The following SGCD variants were observed in gnomAD, a reference collection of about 807,000 sequenced individuals.
The protein encoded by SGCD is sarcoglycan delta.
In SGCD, 18 loss-of-function variants were observed where a neutral mutation model predicts 36.6. The ratio of observed to expected loss-of-function variants is 0.49; its 90% CI spans 0.34 to 0.73. The LOEUF (loss-of-function observed/expected upper bound fraction) is 0.73, where lower values mean the gene tolerates loss of function less well. Ranked by LOEUF, SGCD falls within the 30% of genes least tolerant of loss-of-function variation. SGCD has a pLI of 0.01. For missense variants in SGCD, 387 were observed against 346.7 expected (o/e 1.12, Z -0.92); for synonymous variants, 133 against 130.6 (o/e 1.02, Z -0.12).
At chr5:156,722,895 G>A (rs1176942607) in intron 7 of SGCD, among the ~76,000 whole-genome samples, 1 of 152,204 alleles carries the variant, frequency 6.6e-6, no homozygotes, top group Non-Finnish European at 1.5e-5. Flanking sequence ...TGGGGACCCA[G>A]CCACCATCTT....
intron 7 of SGCD, among the ~76,000 whole-genome samples, chr5:156,752,403 T>TC (rs553855421): frequency 2.9e-4 from 44 of 152,120 alleles, no homozygotes; most frequent in South Asian, 4.2e-4. Context: ...TTTCTTTTTT[T>TC]CCCCCCCAAG....
At chr5:155,765,258 C>T in the SGCD span, among the ~76,000 whole-genome samples, 1 of 146,544 alleles carries the variant, frequency 6.8e-6, no homozygotes, top group African/African-American at 2.5e-5. Flanking sequence ...GCAGTCTGGG[C>T]AATAGGGCAA....
At chr5:156,175,900 A>G (rs1763455180) in intron 3 of SGCD, among the ~76,000 whole-genome samples, 1 of 152,114 alleles carries the variant, frequency 6.6e-6, no homozygotes, top group South Asian at 2.1e-4. Flanking sequence ...CCTCAGGTGG[A>G]CACATTCTTA....
Position 155,979,049 on chromosome 5 carries a change from G to A in SGCD, c.-282+108625G>A, listed in dbSNP as rs368696547. ...GGACTTGTATTTTCTTAGTCATGCAGCACTTCACAGCTGGGCAGAAAATGC... is the reference window on the plus strand; with the variant it reads ...GGACTTGTATTTTCTTAGTCATGCAACACTTCACAGCTGGGCAGAAAATGC... On this transcript the variant is annotated intron_variant, in intron 1 of 9. Transcript: ENST00000517913. 5.9e-5 allele frequency among the ~76,000 whole-genome samples: 9 copies of A among 152,292 alleles called. No individual in the cohort carries two copies. In the South Asian group the frequency reaches 1.9e-3, roughly 32 times the overall value.
chr5:156,440,037 G>T (rs1753415644), intron 3 of SGCD, among the ~76,000 whole-genome samples: 1 of 152,050 alleles, frequency 6.6e-6, no homozygotes, highest in African/African-American at 2.4e-5. Context: ...GTGGCATTTG[G>T]TATATTCAAA....
intron 7 of SGCD, among the ~76,000 whole-genome samples, chr5:156,692,417 C>A (rs921020387): frequency 6.6e-6 from 1 of 152,166 alleles, no homozygotes. Flanking sequence ...TGGGGAGAAA[C>A]AAATTAGATT....
chr5:155,783,428 C>T, the SGCD span, among the ~76,000 whole-genome samples: 1 of 152,106 alleles, frequency 6.6e-6, no homozygotes, highest in Non-Finnish European at 1.5e-5. Context: ...AAATTCTGGG[C>T]TTCTGTGACC....
intron 7 of SGCD, among the ~76,000 whole-genome samples, chr5:156,720,670 GGGT>G (rs1462745362): frequency 6.6e-6 from 1 of 152,048 alleles, no homozygotes; most frequent in African/African-American, 2.4e-5. Context: ...AAGAATCAAT[GGGT>G]GCCCAGCAGA....
intron 3 of SGCD, among the ~76,000 whole-genome samples, chr5:156,311,526 G>A (rs1362696925): frequency 6.6e-6 from 1 of 152,058 alleles, no homozygotes; most frequent in African/African-American, 2.4e-5. Flanking sequence ...ATAGAATACA[G>A]TATCTTAGAA....
At chr5:156,490,466 A>T (rs1191309734) in intron 3 of SGCD, among the ~76,000 whole-genome samples, 1 of 139,806 alleles carries the variant, frequency 7.2e-6, no homozygotes, top group South Asian at 2.4e-4. Flanking sequence ...ACAAAATACT[A>T]GTAAACCGAA....
At position 156,431,278 on chromosome 5, in the gene SGCD, A is replaced by AG. The variant is rs200789646; in HGVS notation, c.193-77321dup. Among the ~76,000 whole-genome samples, 604 of 152,302 alleles carry AG rather than the reference A, an allele frequency of 4.0e-3. 6 individuals carry two copies. Among genetic ancestry groups the AG allele is most frequent in the African/African-American group, 0.014 (573 of 41,562 alleles). ...GGGGTTGTGACTCTGCTTCTCATGC[A>AG]GGTCTGACTCAGATGTCTTTTTTCT... On this transcript the variant is annotated intron_variant, in intron 3 of 8. Coordinates refer to ENST00000337851, the MANE Select transcript of SGCD (RefSeq NM_000337.6).
At chr5:156,160,010 G>T (rs2127618032) in intron 3 of SGCD, among the ~76,000 whole-genome samples, 1 of 151,576 alleles carries the variant, frequency 6.6e-6, no homozygotes, top group Non-Finnish European at 1.5e-5. Flanking sequence ...CTTAAACAAA[G>T]AAATGTGTTC....
rs80312967 is a variant in SGCD at position 156,032,301 on chromosome 5, T to C, written c.-281-85577T>C. 4.0e-3 allele frequency among the ~76,000 whole-genome samples: 616 copies of C among 152,320 alleles called. 5 individuals are homozygous for C. The highest frequency in any genetic ancestry group is 0.014 in the African/African-American group (584 of 41,566). On this transcript the variant is annotated intron_variant, in intron 1 of 9. Transcript: ENST00000517913. The stretch of plus-strand genomic sequence containing the variant: ...AGGCATCTAGAAATATGCCCTGACA[T>C]TGAGACTCACCCTGTCTATGGGTTG...
At chr5:156,725,259 G>A (rs1755714899) in intron 7 of SGCD, among the ~76,000 whole-genome samples, 1 of 152,212 alleles carries the variant, frequency 6.6e-6, no homozygotes, top group Non-Finnish European at 1.5e-5. Flanking sequence ...GGAGAACCAT[G>A]CTTGATCAAG....
At chr5:155,915,012 A>C (rs1756707362) in intron 1 of SGCD, among the ~76,000 whole-genome samples, 2 of 152,196 alleles carry the variant, frequency 1.3e-5, no homozygotes, top group African/African-American at 4.8e-5. Context: ...GAGGGTGATA[A>C]AATAATATTG....
intron 6 of SGCD, among the ~76,000 whole-genome samples, chr5:156,606,421 C>T (rs1199511702): frequency 6.6e-6 from 1 of 152,148 alleles, no homozygotes; most frequent in Non-Finnish European, 1.5e-5. Context: ...GTTTTGGTAC[C>T]AGTACCATGC....
rs1397442810 is a variant in SGCD, at chr5:156,390,528, C to T, written c.192+45851C>T. Among the ~76,000 whole-genome samples the T allele has an allele frequency of 2.6e-5, 4 of 152,118 alleles. No individual in the cohort carries two copies. The East Asian group carries it at 7.7e-4, about 29-fold the overall frequency. On this transcript the variant is annotated intron_variant, in intron 3 of 8. Coordinates refer to ENST00000337851, the MANE Select transcript of SGCD (RefSeq NM_000337.6). ...GGTGGATCACCTGAGGTCAGGAGTTCGAGACCAGCCTGACCAACATGGTGA... is the reference window on the plus strand; with the variant it reads ...GGTGGATCACCTGAGGTCAGGAGTTTGAGACCAGCCTGACCAACATGGTGA...
chr5:156,410,499 C>A (rs1772681030), intron 3 of SGCD, among the ~76,000 whole-genome samples: 1 of 152,186 alleles, frequency 6.6e-6, no homozygotes, highest in South Asian at 2.1e-4. Context: ...CAAACCTGCA[C>A]ATGTACCTTC....
chr5:156,629,017 A>G (rs1762532751), intron 6 of SGCD, among the ~76,000 whole-genome samples: 1 of 152,250 alleles, frequency 6.6e-6, no homozygotes, highest in Non-Finnish European at 1.5e-5. Context: ...TAAGTTCTCG[A>G]TAAGTGTAAC....
Sources: gnomAD v4.1 joint callset for allele counts (sites outside exome capture counted in the v4.1 genomes callset) on GRCh38, gnomAD v4.1.1 for gene constraint, MANE v1.5 for transcripts, NCBI Gene and HGNC (gene_info 2026-07-23, HGNC 2026-07-21) for gene names.